OSBP2: variants seen among roughly 807,000 people sequenced by gnomAD.
OSBP2 encodes the protein oxysterol binding protein 2.
In OSBP2, 66 loss-of-function variants were observed where a neutral mutation model predicts 96.0. The observed-to-expected ratio is 0.69, with a 90% confidence interval of 0.56 to 0.84. OSBP2 has a LOEUF of 0.84. OSBP2 is among the 40% of genes least tolerant of loss of function. The pLI is 0.00. For synonymous variants in OSBP2, 525 were observed against 520.9 expected (o/e 1.01, Z -0.11); for missense variants, 1,038 against 1,222.7 (o/e 0.85, Z 2.25).
chr22:30,878,170 C>T (rs2039624088), intron 3 of OSBP2, among the ~76,000 whole-genome samples: 1 of 152,222 alleles, frequency 6.6e-6, no homozygotes, highest in African/African-American at 2.4e-5. Context: ...GTTCTGCTTC[C>T]ACTTGAAATG....
rs1353486245 is a variant in OSBP2, at chr22:30,862,830, A to G, written c.854-7599A>G. 4.2e-5 allele frequency among the ~76,000 whole-genome samples: 6 copies of G among 143,054 alleles called. No homozygotes were observed. The South Asian group carries it at 1.4e-3, about 32-fold the overall frequency. 93.8% of individuals were successfully genotyped at this position (143,054 alleles called of 152,430 possible). On this transcript the variant is annotated intron_variant, in intron 2 of 13. Transcript: ENST00000332585. Reference sequence around the variant, plus strand: ...CTACTAAAAATACAAAAAGTTAGCCAGGTGTGGTGGCGGGCGCCTGTAATC... The same window carrying G: ...CTACTAAAAATACAAAAAGTTAGCCGGGTGTGGTGGCGGGCGCCTGTAATC...
At chr22:30,887,282 G>C in intron 3 of OSBP2, 144 bp from the exon 4 acceptor site, 3 of 650,436 alleles carry the variant, frequency 4.6e-6, no homozygotes, top group Non-Finnish European at 5.4e-6. Context: ...GAATGCCTTA[G>C]CTGTCTGGGA....
chr22:30,741,340 A>G lies in OSBP2; in HGVS notation c.824A>G (p.Lys275Arg). ...ACCGCCCTGGAGCTGGCCAAGGCCA[A>G]GGCTGTCCGCGTGATGAACACTCAT... ...WITALELAKA[K>R]AVRVMNTHSD... The change falls in exon 2 of 14, where the codon AAG (lysine) becomes AGG (arginine). Residue 275 changes from lysine (K) to arginine (R), a missense_variant. Around this residue, in one of 3 missense-constraint regions of OSBP2, gnomAD observed 737 missense variants for 913.3 expected, o/e 0.81. Transcript: ENST00000332585. 1 of 1,612,136 alleles carries G rather than the reference A, an allele frequency of 6.2e-7. No homozygotes were observed. Among genetic ancestry groups the G allele is most frequent in the Middle Eastern group, 1.8e-4 (1 of 5,576 alleles).
chr22:30,836,545 C>A lies in OSBP2; in HGVS notation c.854-33884C>A, dbSNP rs145977568. Among the ~76,000 whole-genome samples, 297 of 152,286 alleles carry A rather than the reference C, an allele frequency of 2.0e-3. 1 individual carries two copies. Among genetic ancestry groups the A allele is most frequent in the African/African-American group, 6.7e-3 (277 of 41,560 alleles). On this transcript the variant is annotated intron_variant, in intron 2 of 13. Transcript: ENST00000332585. ...AAGGAAGACACATTTTCATTGTAACCCCCTGAATATAATGCTTAACCTTCT... is the reference window on the plus strand; with the variant it reads ...AAGGAAGACACATTTTCATTGTAACACCCTGAATATAATGCTTAACCTTCT...
At chr22:30,814,756 G>T (rs1483220967) in intron 2 of OSBP2, among the ~76,000 whole-genome samples, 29 of 152,172 alleles carry the variant, frequency 1.9e-4, no homozygotes, top group Admixed American at 1.8e-3. Context: ...TCCATAGAGA[G>T]TCACATTCTG....
intron 1 of OSBP2, among the ~76,000 whole-genome samples, chr22:30,717,116 G>T (rs1283355384): frequency 1.4e-5 from 2 of 147,278 alleles, no homozygotes; most frequent in Admixed American, 6.8e-5. Context: ...GTGTGTGTGT[G>T]TGTGTGTGTG....
At chr22:30,716,047 T>A (rs1487375743) in intron 1 of OSBP2, among the ~76,000 whole-genome samples, 1 of 144,412 alleles carries the variant, frequency 6.9e-6, no homozygotes, top group Admixed American at 6.9e-5. Context: ...TTTCTTTCTT[T>A]TTTTTTTTTT....
intron 2 of OSBP2, among the ~76,000 whole-genome samples, chr22:30,849,145 G>C (rs1388934293): frequency 6.6e-6 from 1 of 152,114 alleles, no homozygotes; most frequent in Non-Finnish European, 1.5e-5. Context: ...GTGCACGCCT[G>C]TAGTCCTAGC....
chr22:30,743,998 T>A (rs1424878478), intron 2 of OSBP2, among the ~76,000 whole-genome samples: 1 of 152,184 alleles, frequency 6.6e-6, no homozygotes, highest in Non-Finnish European at 1.5e-5. Context: ...AGGGCAGCCT[T>A]CTGGGCAAGG....
chr22:30,902,428 C>G lies in OSBP2; in HGVS notation c.2376-3409C>G. 4 of 1,583,896 alleles carry G rather than the reference C, an allele frequency of 2.5e-6. No individual in the cohort carries two copies. The South Asian group carries it at 4.4e-5, about 17-fold the overall frequency. ...TGGTGCACTGTTGGGCAATCAGTCACTTCATGTGGACATTGCAGAAGGCAG... is the reference window on the plus strand; with the variant it reads ...TGGTGCACTGTTGGGCAATCAGTCAGTTCATGTGGACATTGCAGAAGGCAG... On this transcript the variant is annotated intron_variant, in intron 12 of 13. Coordinates refer to ENST00000332585, the MANE Select transcript of OSBP2 (RefSeq NM_030758.4).
At chr22:30,703,606 G>C (rs1356215482) in intron 1 of OSBP2, among the ~76,000 whole-genome samples, 1 of 151,900 alleles carries the variant, frequency 6.6e-6, no homozygotes, top group African/African-American at 2.4e-5. Flanking sequence ...CTCCCAAGTA[G>C]CTGGGAGTAC....
rs1046286635 is a variant in OSBP2, at chr22:30,705,583, G to A, written c.644+10030G>A. On this transcript the variant is annotated intron_variant, in intron 1 of 13. Transcript: ENST00000332585. ...GCTGGGATTACAGGGGTGAGCTACC[G>A]CGTCTGGCCTCCCCAGTATTTTTGC... 5.8e-4 allele frequency among the ~76,000 whole-genome samples: 89 copies of A among 152,204 alleles called. 3 individuals are homozygous for A. Among genetic ancestry groups the A allele is most frequent in the Middle Eastern group, 3.4e-3 (1 of 294 alleles).
At chr22:30,813,839 G>A (rs1274712423) in intron 2 of OSBP2, among the ~76,000 whole-genome samples, 1 of 149,940 alleles carries the variant, frequency 6.7e-6, no homozygotes, top group African/African-American at 2.5e-5. Flanking sequence ...TTTTGCTCTT[G>A]TCATCCAGGC....
chr22:30,867,233 T>C (rs2039358084), intron 2 of OSBP2, among the ~76,000 whole-genome samples: 1 of 152,100 alleles, frequency 6.6e-6, no homozygotes, highest in African/African-American at 2.4e-5. Context: ...ACCAGTCTTG[T>C]CTTTCCCATG....
intron 1 of OSBP2, among the ~76,000 whole-genome samples, chr22:30,736,980 A>C (rs2089865303): frequency 6.6e-6 from 1 of 152,310 alleles, no homozygotes. Flanking sequence ...CACCCTGTGC[A>C]AGTCACTTCG....
At chr22:30,801,279 G>T (rs2090847622) in intron 2 of OSBP2, among the ~76,000 whole-genome samples, 1 of 152,130 alleles carries the variant, frequency 6.6e-6, no homozygotes, top group Non-Finnish European at 1.5e-5. Flanking sequence ...AAAAAGAGAA[G>T]AAAGAAAAAT....
intron 2 of OSBP2, among the ~76,000 whole-genome samples, chr22:30,762,810 G>C (rs1047214289): frequency 3.3e-5 from 5 of 152,158 alleles, no homozygotes. Context: ...TTTGCTCCCA[G>C]GTGTTTGCTC....
At chr22:30,706,252 G>A (rs1209661588) in intron 1 of OSBP2, among the ~76,000 whole-genome samples, 5 of 152,222 alleles carry the variant, frequency 3.3e-5, no homozygotes, top group Admixed American at 2.0e-4. Context: ...TCATACACAC[G>A]GAGCAAACTG....
At chr22:30,831,911 CCTT>C (rs1200279763) in intron 2 of OSBP2, among the ~76,000 whole-genome samples, 1 of 152,148 alleles carries the variant, frequency 6.6e-6, no homozygotes, top group Non-Finnish European at 1.5e-5. Context: ...TCTCTGATCT[CCTT>C]GGCCCAAAGT....
Sources: gnomAD v4.1 joint callset for allele counts (sites outside exome capture counted in the v4.1 genomes callset) on GRCh38, gnomAD v4.1.1 for gene constraint, gnomAD v4.1.1 regional missense constraint, MANE v1.5 for transcripts, NCBI Gene and HGNC (gene_info 2026-07-23, HGNC 2026-07-21) for gene names.